GPM6A: variants seen among roughly 807,000 people sequenced by gnomAD.
GPM6A encodes glycoprotein M6A, also known as neuronal membrane glycoprotein M6-a.
In GPM6A, 7 loss-of-function variants were observed where a neutral mutation model predicts 32.1. The ratio of observed to expected loss-of-function variants is 0.22; its 90% CI spans 0.12 to 0.41. GPM6A has a LOEUF of 0.41. Among genes scored for constraint, GPM6A ranks in the 10% least tolerant of loss-of-function variants. The pLI is 1.00. For missense variants in GPM6A, 235 were observed against 347.2 expected, an observed-to-expected ratio of 0.68 and a Z score of 2.57; for synonymous variants, 130 against 123.4, an observed-to-expected ratio of 1.05 and a Z score of -0.35.
chr4:175,679,023 T>C (rs1490584355), intron 2 of GPM6A, among the ~76,000 whole-genome samples: 1 of 152,138 alleles, frequency 6.6e-6, no homozygotes, highest in Non-Finnish European at 1.5e-5. Context: ...ATCATTGACA[T>C]ACTTATGTCA....
intron 1 of GPM6A, among the ~76,000 whole-genome samples, chr4:175,960,195 A>G (rs937529435): frequency 5.9e-5 from 9 of 152,216 alleles, no homozygotes; most frequent in African/African-American, 2.2e-4. Flanking sequence ...TTTGAATTAA[A>G]CTTTTTAAAA....
At chr4:175,669,717 A>G (rs1742947943) in intron 3 of GPM6A, among the ~76,000 whole-genome samples, 1 of 152,226 alleles carries the variant, frequency 6.6e-6, no homozygotes, top group Non-Finnish European at 1.5e-5. Context: ...CAAAATTCAT[A>G]TGATGAAATT....
rs1733544472 is a variant in GPM6A, at chr4:175,779,800, T to C, written c.37+32391A>G. ...TTAGCTAAAAGGTTAGCACTACATA[T>C]ATCCTGAGTAAGGAAATATGAGGGT... On this transcript the variant is annotated intron_variant, in intron 1 of 6. Coordinates refer to ENST00000393658, the MANE Select transcript of GPM6A (RefSeq NM_201591.3). Among the ~76,000 whole-genome samples the C allele has an allele frequency of 2.0e-5, 3 of 152,282 alleles. 1 individual carries two copies. The highest frequency in any genetic ancestry group is 4.1e-4 in the South Asian group (2 of 4,820).
intron 1 of GPM6A, among the ~76,000 whole-genome samples, chr4:175,746,167 A>C (rs1262059529): frequency 2.0e-5 from 3 of 152,122 alleles, no homozygotes; most frequent in Non-Finnish European, 4.4e-5. Context: ...TTCCCCAAAA[A>C]CCATACATTC....
At chr4:175,727,485 G>C (rs1731229230) in intron 1 of GPM6A, among the ~76,000 whole-genome samples, 2 of 152,172 alleles carry the variant, frequency 1.3e-5, no homozygotes, top group East Asian at 3.9e-4. Context: ...AAATCTGTTA[G>C]TGAGATAAGA....
intron 1 of GPM6A, among the ~76,000 whole-genome samples, chr4:175,771,770 G>A (rs936727510): frequency 1.3e-5 from 2 of 152,000 alleles, no homozygotes; most frequent in African/African-American, 2.4e-5. Context: ...GGCATGGAGC[G>A]AGCAAATGAT....
At chr4:175,693,205 T>A (rs1744391157) in intron 2 of GPM6A, among the ~76,000 whole-genome samples, 2 of 151,314 alleles carry the variant, frequency 1.3e-5, no homozygotes, top group Non-Finnish European at 1.5e-5. Context: ...TAAGTTTTTT[T>A]CTGAATGAGT....
At chr4:175,700,898 G>C (rs1289568435) in intron 2 of GPM6A, among the ~76,000 whole-genome samples, 1 of 152,030 alleles carries the variant, frequency 6.6e-6, no homozygotes, top group Non-Finnish European at 1.5e-5. Flanking sequence ...TCTATATTAT[G>C]CAATAAGGAG....
At chr4:175,657,527 T>C (rs937680386) in intron 3 of GPM6A, among the ~76,000 whole-genome samples, 1 of 152,190 alleles carries the variant, frequency 6.6e-6, no homozygotes, top group Non-Finnish European at 1.5e-5. Flanking sequence ...TCTTCAACTT[T>C]AGACTCTGAC....
At chr4:175,636,962 A>T (rs966238509) in intron 6 of GPM6A, among the ~76,000 whole-genome samples, 4 of 133,366 alleles carry the variant, frequency 3.0e-5, no homozygotes, top group African/African-American at 8.3e-5. Flanking sequence ...ATATGTATTT[A>T]TATATATTTA....
rs149776719 is a variant in GPM6A, at chr4:175,984,747, C to T, written c.-23+17562G>A. On this transcript the variant is annotated intron_variant, in intron 1 of 7. Transcript: ENST00000280187. ...ACAATTAGATCTTTATTAGGTAACT[C>T]TTATCAGATGCATCTAGAATTTATT... Among the ~76,000 whole-genome samples the T allele has an allele frequency of 7.2e-5, 11 of 152,158 alleles. No individual in the cohort carries two copies. In the East Asian group the frequency reaches 2.1e-3, roughly 29 times the overall value.
At chr4:175,834,527 G>A (rs939812982) in intron 1 of GPM6A, among the ~76,000 whole-genome samples, 2 of 152,002 alleles carry the variant, frequency 1.3e-5, no homozygotes, top group African/African-American at 4.8e-5. Context: ...AATGTGTGCT[G>A]TAAACTCACA....
chr4:175,693,108 A>T (rs1406963336), intron 2 of GPM6A, among the ~76,000 whole-genome samples: 2 of 151,918 alleles, frequency 1.3e-5, no homozygotes, highest in African/African-American at 4.8e-5. Flanking sequence ...CATACCTTTC[A>T]TATTTCAGTG....
intron 2 of GPM6A, among the ~76,000 whole-genome samples, chr4:175,699,214 T>C (rs1320913709): frequency 6.6e-6 from 1 of 152,154 alleles, no homozygotes; most frequent in Non-Finnish European, 1.5e-5. Context: ...CATGCAATCA[T>C]TTTCTTAAGA....
intron 1 of GPM6A, among the ~76,000 whole-genome samples, chr4:175,808,993 T>C (rs1734807463): frequency 2.0e-5 from 3 of 152,182 alleles, no homozygotes; most frequent in Non-Finnish European, 4.4e-5. Context: ...CCTTTACTTA[T>C]TGATTCATCA....
intron 1 of GPM6A, among the ~76,000 whole-genome samples, chr4:175,780,249 T>C (rs1033949902): frequency 2.0e-5 from 3 of 152,128 alleles, no homozygotes; most frequent in African/African-American, 7.2e-5. Context: ...GGTTTTTCCA[T>C]ATTGGCCAGG....
chr4:175,984,015 T>C (rs569668511), intron 1 of GPM6A, among the ~76,000 whole-genome samples: 1 of 144,234 alleles, frequency 6.9e-6, no homozygotes, highest in East Asian at 2.0e-4. Context: ...TCTCTGTCTC[T>C]CTCTCTGTCA....
intron 1 of GPM6A, among the ~76,000 whole-genome samples, chr4:175,871,901 G>C (rs1404472329): frequency 6.6e-6 from 1 of 151,886 alleles, no homozygotes; most frequent in Non-Finnish European, 1.5e-5. Flanking sequence ...GGAGATCATA[G>C]ATCATTTTAT....
intron 1 of GPM6A, among the ~76,000 whole-genome samples, chr4:175,885,500 G>A (rs1737422590): frequency 6.6e-6 from 1 of 152,154 alleles, no homozygotes; most frequent in Non-Finnish European, 1.5e-5. Flanking sequence ...GTGTGGTGGA[G>A]CACACCTGTA....
Sources: gnomAD v4.1 joint callset for allele counts (sites outside exome capture counted in the v4.1 genomes callset) on GRCh38, gnomAD v4.1.1 for gene constraint, MANE v1.5 for transcripts, NCBI Gene and HGNC (gene_info 2026-07-23, HGNC 2026-07-21) for gene names.